Variants in ATP5PB observed in about 807,000 individuals in gnomAD.
The protein encoded by ATP5PB is ATP synthase peripheral stalk subunit b, mitochondrial.
In ATP5PB, 21 loss-of-function variants were observed where a neutral mutation model predicts 34.5. The ratio of observed to expected loss-of-function variants is 0.61; its 90% CI spans 0.43 to 0.88. The LOEUF (loss-of-function observed/expected upper bound fraction) is 0.88. Ranked by LOEUF, ATP5PB falls within the 40% of genes least tolerant of loss-of-function variation. The pLI, the probability that ATP5PB is intolerant of heterozygous loss-of-function variation, is 0.00. For synonymous variants in ATP5PB, 108 were observed against 114.1 expected (o/e 0.95, Z 0.34); for missense variants, 293 against 317.4 (o/e 0.92, Z 0.58).
chr1:111,456,021 C>T (rs1412537510), intron 3 of ATP5PB, 65 bp from the exon 4 acceptor site: 4 of 1,309,604 alleles, frequency 3.1e-6, no homozygotes, highest in Admixed American at 2.7e-5. Flanking sequence ...TATAGAAGTA[C>T]CTTTCTATCT....
Position 111,454,317 on chromosome 1 carries a change from G to A in ATP5PB, c.184G>A (p.Glu62Lys). ...GKVRYGLIPE[E>K]FFQFLYPKTG... ...AGTTCGTTATGGACTGATCCCTGAGGAATTCTTCCAGTTTCTTTATCCTAA... is the reference window on the plus strand; with the variant it reads ...AGTTCGTTATGGACTGATCCCTGAGAAATTCTTCCAGTTTCTTTATCCTAA... The change falls in exon 3 of 7, where the codon GAA becomes AAA. Residue 62 changes from glutamate (E) to lysine (K), a missense_variant. Physicochemically the swap from Glu to Lys is moderately conservative, Grantham distance 56. Coordinates refer to ENST00000369722, the MANE Select transcript of ATP5PB (RefSeq NM_001688.5). The A allele has an allele frequency of 6.2e-7, 1 of 1,610,878 alleles. No individual in the cohort carries two copies.
chr1:111,452,102 A>G (rs895965521), intron 2 of ATP5PB, among the ~76,000 whole-genome samples: 17 of 150,086 alleles, frequency 1.1e-4, no homozygotes, highest in Non-Finnish European at 2.1e-4. Flanking sequence ...CCTGGGTGAC[A>G]CAGTGAGACT....
intron 6 of ATP5PB, 125 bp downstream of exon 6, chr1:111,459,761 G>A (rs1420412549): frequency 5.7e-6 from 6 of 1,049,392 alleles, no homozygotes; most frequent in African/African-American, 3.3e-5. Flanking sequence ...GTGTAACCCC[G>A]GTTTGTTTTT....
chr1:111,462,721 T>G lies in ATP5PB; in HGVS notation c.*1727T>G, dbSNP rs1025720729. On this transcript the variant is annotated 3_prime_UTR_variant, in exon 7 of 7. Transcript: ENST00000369722. ...TGATATCTTTGTTACTTAAAGATAA[T>G]TTGATTGGATCAGCAGTTATTTCAA... 1.3e-5 allele frequency: 2 copies of G among 152,256 alleles called. No individual in the cohort carries two copies. The highest frequency in any genetic ancestry group is 4.8e-5 in the African/African-American group (2 of 41,466). 9.4% of individuals were successfully genotyped at this position (152,256 alleles called of 1,614,324 possible).
intron 4 of ATP5PB, among the ~76,000 whole-genome samples, 160 bp downstream of exon 4, chr1:111,456,409 A>G (rs1262413547): frequency 6.6e-6 from 1 of 152,230 alleles, no homozygotes; most frequent in Non-Finnish European, 1.5e-5. Context: ...TAATTTTTTT[A>G]TATCTACTAA....
chr1:111,460,827 A>G, intron 6 of ATP5PB, 90 bp from the exon 7 acceptor site: 3 of 1,073,344 alleles, frequency 2.8e-6, no homozygotes, highest in Non-Finnish European at 4.2e-6. Flanking sequence ...CTGGTCTGGT[A>G]GGAGGTGTCT....
chr1:111,456,625 T>C lies in ATP5PB; in HGVS notation c.388-5T>C, dbSNP rs748663828. 1 of 1,610,906 alleles carries C rather than the reference T, an allele frequency of 6.2e-7. No homozygotes were observed. Among genetic ancestry groups the C allele is most frequent in the South Asian group, 1.1e-5 (1 of 90,418 alleles). ...TGATCTTTGTTGTTGCTATCACAAT[T>C]GTAGCAAAAACTTGCCCAACTAGAA... On this transcript the variant is annotated splice_polypyrimidine_tract_variant and splice_region_variant and intron_variant, in intron 4 of 6. Transcript: ENST00000369722.
At chr1:111,458,484 G>A (rs759148104) in intron 5 of ATP5PB, among the ~76,000 whole-genome samples, 18 of 152,198 alleles carry the variant, frequency 1.2e-4, no homozygotes, top group Non-Finnish European at 2.5e-4. Context: ...GGGAAGAACA[G>A]TTGCAAATGC....
At chr1:111,459,884 G>T (rs1338841581) in intron 6 of ATP5PB, among the ~76,000 whole-genome samples, 1 of 152,150 alleles carries the variant, frequency 6.6e-6, no homozygotes, top group African/African-American at 2.4e-5. Flanking sequence ...AATAGACTGG[G>T]CTGGGCACGG....
intron 2 of ATP5PB, among the ~76,000 whole-genome samples, chr1:111,452,834 C>CTTG (rs1202880823): frequency 3.3e-5 from 5 of 152,100 alleles, no homozygotes; most frequent in Non-Finnish European, 7.3e-5. Flanking sequence ...GTATAAAGGC[C>CTTG]ACAAAGATAC....
At chr1:111,457,739 T>C (rs1017762235) in intron 5 of ATP5PB, among the ~76,000 whole-genome samples, 4 of 152,114 alleles carry the variant, frequency 2.6e-5, no homozygotes, top group African/African-American at 9.7e-5. Flanking sequence ...TCAGAACCTT[T>C]CTTAGGGGCT....
At chr1:111,451,326 C>T (rs1047012180) in intron 2 of ATP5PB, among the ~76,000 whole-genome samples, 5 of 152,208 alleles carry the variant, frequency 3.3e-5, no homozygotes, top group African/African-American at 1.2e-4. Flanking sequence ...TTGCTCTTCT[C>T]TCTTTTCCCC....
chr1:111,461,528 A>G lies in ATP5PB; in HGVS notation c.*534A>G, dbSNP rs147218131. ...AATGGAGTATTATATATCAATTCAT[A>G]TCATTGACTTTATTATTTTAGTAGT... On this transcript the variant is annotated 3_prime_UTR_variant, in exon 7 of 7. Transcript: ENST00000369722. 550 of 152,562 alleles carry G rather than the reference A, an allele frequency of 3.6e-3. No individual in the cohort carries two copies. Among genetic ancestry groups the G allele is most frequent in the Non-Finnish European group, 6.1e-3 (413 of 68,210 alleles). The allele number at this position is 152,562 out of a possible 1,614,324, so 9.5% of individuals were successfully genotyped here.
Position 111,456,184 on chromosome 1 carries a change from G to T in ATP5PB, c.322G>T (p.Val108Leu), listed in dbSNP as rs753627949. The change falls in exon 4 of 7, where the codon GTA becomes TTA. Residue 108 changes from valine (V) to leucine (L), a missense_variant. Coordinates refer to ENST00000369722, the MANE Select transcript of ATP5PB (RefSeq NM_001688.5). ...CTTCACTGCCCTATCAGTACTAGGT[G>T]TAATGGTCTATGGAATTAAAAAATA... ...ETFTALSVLG[V>L]MVYGIKKYGP... 1 of 1,612,394 alleles carries T rather than the reference G, an allele frequency of 6.2e-7. No individual in the cohort carries two copies. The highest frequency in any genetic ancestry group is 1.7e-5 in the Admixed American group (1 of 59,724).
At position 111,462,642 on chromosome 1, in the gene ATP5PB, A is replaced by G. The variant is rs750165256; in HGVS notation, c.*1648A>G. The G allele has an allele frequency of 3.3e-5, 5 of 152,230 alleles. No homozygotes were observed. Among genetic ancestry groups the G allele is most frequent in the Admixed American group, 6.5e-5 (1 of 15,284 alleles). 9.4% of individuals were successfully genotyped at this position (152,230 alleles called of 1,614,324 possible). A position where few individuals can be genotyped will look rare whatever the true frequency, so the allele number is the denominator to read the frequency against. On this transcript the variant is annotated 3_prime_UTR_variant, in exon 7 of 7. Transcript: ENST00000369722. ...TGACTTCCTAAGATTTTATGTAATA[A>G]TCATTTGAGTCAATATTGGTAGCTA...
chr1:111,456,393 T>A, intron 4 of ATP5PB, 144 bp downstream of exon 4: 1 of 1,107,412 alleles, frequency 9.0e-7, no homozygotes, highest in Non-Finnish European at 1.2e-6. Context: ...AGTTACTAAT[T>A]TGAGATAATT....
rs201405036 is a variant in ATP5PB at position 111,449,631 on chromosome 1, C to T, written c.40+50C>T. The T allele has an allele frequency of 6.5e-4, 1,016 of 1,564,952 alleles. 8 individuals carry two copies. In the African/African-American group the frequency reaches 0.012, roughly 18 times the overall value. ...GACTATCAGAGTGATTGGAAAGAAG[C>T]GAATCTAGGGGTGACAGGGAGGGGA... On this transcript the variant is annotated intron_variant, in intron 1 of 6. Coordinates refer to ENST00000369722, the MANE Select transcript of ATP5PB (RefSeq NM_001688.5).
chr1:111,452,353 G>GT (rs1653356306), intron 2 of ATP5PB, among the ~76,000 whole-genome samples: 1 of 151,882 alleles, frequency 6.6e-6, no homozygotes, highest in Non-Finnish European at 1.5e-5. Flanking sequence ...GATCACAGTA[G>GT]TTTGAGACCA....
At chr1:111,458,959 T>C (rs1057307588) in intron 5 of ATP5PB, among the ~76,000 whole-genome samples, 4 of 152,192 alleles carry the variant, frequency 2.6e-5, no homozygotes, top group African/African-American at 4.8e-5. Flanking sequence ...GTTTAGAGTG[T>C]AGTCAGTACT....
Sources: allele counts gnomAD v4.1 joint callset (sites outside exome capture counted in the v4.1 genomes callset), GRCh38; gene constraint gnomAD v4.1.1; transcripts MANE v1.5; gene names NCBI Gene and HGNC (gene_info 2026-07-23, HGNC 2026-07-21).